NBEA: variants seen among roughly 807,000 people sequenced by gnomAD.
NBEA encodes lysosomal-trafficking regulator 2.
A neutral mutation model predicts 343.4 loss-of-function variants in NBEA; 44 were observed. That is an observed-to-expected ratio of 0.13 (90% CI 0.10 to 0.16). The LOEUF is 0.16. NBEA is among the 10% of genes least tolerant of loss of function. The pLI is 1.00. For synonymous variants in NBEA, 1,175 were observed against 1,238.7 expected (o/e 0.95, Z 1.08); for missense variants, 2,555 against 3,631.3 (o/e 0.70, Z 7.62).
At chr13:35,435,049 A>G (rs1311632860) in intron 39 of NBEA, among the ~76,000 whole-genome samples, 1 of 152,102 alleles carries the variant, frequency 6.6e-6, no homozygotes, top group Non-Finnish European at 1.5e-5. Context: ...GTTTGTTGTG[A>G]CGGAATTTCA....
intron 1 of NBEA, among the ~76,000 whole-genome samples, chr13:34,944,180 C>T (rs950476425): frequency 6.6e-6 from 1 of 152,138 alleles, no homozygotes; most frequent in Admixed American, 6.5e-5. Context: ...AGACATAAAT[C>T]GAGAGCAATC....
chr13:35,400,842 T>G (rs2042969481), intron 38 of NBEA, among the ~76,000 whole-genome samples: 1 of 151,960 alleles, frequency 6.6e-6, no homozygotes, highest in African/African-American at 2.4e-5. Context: ...AGAAAATCAC[T>G]GATAAACCTT....
chr13:35,136,533 A>G (rs953731527), intron 17 of NBEA, among the ~76,000 whole-genome samples: 1 of 152,240 alleles, frequency 6.6e-6, no homozygotes, highest in African/African-American at 2.4e-5. Context: ...AGAGAATGAT[A>G]ACACTAAGAT....
chr13:35,316,638 T>G (rs2152837241), intron 36 of NBEA, among the ~76,000 whole-genome samples: 1 of 152,308 alleles, frequency 6.6e-6, no homozygotes. Flanking sequence ...ATGGGATTGC[T>G]GGGTCAAATG....
chr13:35,291,648 A>C (rs2035807828), intron 35 of NBEA, among the ~76,000 whole-genome samples: 1 of 152,078 alleles, frequency 6.6e-6, no homozygotes, highest in Non-Finnish European at 1.5e-5. Context: ...TTATGGAAAA[A>C]TAGCTTAGAA....
chr13:35,303,826 A>G (rs1156644543), intron 35 of NBEA, among the ~76,000 whole-genome samples: 2 of 152,116 alleles, frequency 1.3e-5, no homozygotes. Context: ...CATCCTGTCC[A>G]TTGTTTCTTG....
At chr13:35,642,987 T>C (rs1297164963) in intron 49 of NBEA, among the ~76,000 whole-genome samples, 1 of 151,756 alleles carries the variant, frequency 6.6e-6, no homozygotes, top group Non-Finnish European at 1.5e-5. Flanking sequence ...TAAATCTCAC[T>C]GACCCTTGCA....
chr13:35,251,505 A>C, intron 34 of NBEA: 1 of 1,104,932 alleles, frequency 9.1e-7, no homozygotes, highest in Non-Finnish European at 1.1e-6. Flanking sequence ...TTGTGGAGTG[A>C]GCAGCGGCCA....
chr13:35,544,929 C>T (rs1001930665), intron 41 of NBEA, among the ~76,000 whole-genome samples: 3 of 152,122 alleles, frequency 2.0e-5, no homozygotes, highest in African/African-American at 7.2e-5. Flanking sequence ...ATATTAAATA[C>T]TTTGAAGAAA....
At chr13:35,424,495 A>G (rs1293810832) in intron 38 of NBEA, among the ~76,000 whole-genome samples, 1 of 152,166 alleles carries the variant, frequency 6.6e-6, no homozygotes, top group Non-Finnish European at 1.5e-5. Flanking sequence ...CCCAGGGATG[A>G]AGCGCACTTG....
At chr13:35,582,901 T>C (rs2081122063) in intron 45 of NBEA, among the ~76,000 whole-genome samples, 1 of 152,198 alleles carries the variant, frequency 6.6e-6, no homozygotes, top group African/African-American at 2.4e-5. Context: ...AATTTTCTAC[T>C]ACTTCTCTTG....
intron 48 of NBEA, among the ~76,000 whole-genome samples, chr13:35,622,743 G>A (rs770901820): frequency 7.2e-5 from 11 of 152,070 alleles, no homozygotes; most frequent in Admixed American, 2.0e-4. Context: ...GATTTTTGAC[G>A]TAATGAGAAA....
At chr13:34,989,411 C>A (rs937886889) in intron 1 of NBEA, among the ~76,000 whole-genome samples, 2 of 150,910 alleles carry the variant, frequency 1.3e-5, no homozygotes, top group African/African-American at 4.8e-5. Context: ...AGGAAACTTA[C>A]AATCATGGCA....
At chr13:35,225,796 C>T (rs927267204) in intron 33 of NBEA, among the ~76,000 whole-genome samples, 1 of 152,094 alleles carries the variant, frequency 6.6e-6, no homozygotes, top group Non-Finnish European at 1.5e-5. Flanking sequence ...GAGTTCCTAT[C>T]CTCAGATTTC....
intron 1 of NBEA, among the ~76,000 whole-genome samples, chr13:35,007,193 A>G (rs913908313): frequency 6.6e-5 from 10 of 152,136 alleles, no homozygotes; most frequent in African/African-American, 2.2e-4. Flanking sequence ...GTGTTCAAAC[A>G]CTGCTTCTTT....
intron 10 of NBEA, among the ~76,000 whole-genome samples, chr13:35,078,541 A>G (rs1195443977): frequency 1.3e-5 from 2 of 152,226 alleles, no homozygotes; most frequent in East Asian, 3.9e-4. Flanking sequence ...TAGCCGAAGA[A>G]TGACCAACCA....
chr13:35,514,577 T>C (rs980173058), intron 41 of NBEA, among the ~76,000 whole-genome samples: 2 of 152,118 alleles, frequency 1.3e-5, no homozygotes, highest in African/African-American at 2.4e-5. Flanking sequence ...TTTTTATTAA[T>C]TTTTGAGAAA....
intron 41 of NBEA, among the ~76,000 whole-genome samples, chr13:35,528,826 A>T (rs184537009): frequency 2.6e-5 from 4 of 152,190 alleles, no homozygotes; most frequent in African/African-American, 9.6e-5. Flanking sequence ...TCATTAAGGA[A>T]CTCATGGTCT....
At chr13:35,275,863 T>TG (rs954490858) in intron 34 of NBEA, among the ~76,000 whole-genome samples, 173 of 152,102 alleles carry the variant, frequency 1.1e-3, no homozygotes, top group Non-Finnish European at 1.5e-3. Flanking sequence ...GAACAGATCC[T>TG]GGGGGGAGGG....
Sources: allele counts gnomAD v4.1 joint callset (sites outside exome capture counted in the v4.1 genomes callset), GRCh38; gene constraint gnomAD v4.1.1; transcripts MANE v1.5; gene names NCBI Gene and HGNC (gene_info 2026-07-23, HGNC 2026-07-21).